The following IL1RAPL2 variants were observed in gnomAD, a reference collection of about 807,000 sequenced individuals.
The protein encoded by IL1RAPL2 is interleukin 1 receptor accessory protein like 2, also known as X-linked interleukin-1 receptor accessory protein-like 2.
IL1RAPL2 carries 3 observed loss-of-function variants against 44.1 expected under a neutral mutation model. The ratio of observed to expected loss-of-function variants is 0.07; its 90% CI spans 0.03 to 0.18. IL1RAPL2 has a LOEUF of 0.18. IL1RAPL2 is among the 10% of genes least tolerant of loss of function. IL1RAPL2 has a pLI of 1.00. For missense variants in IL1RAPL2, 391 were observed against 496.4 expected, an observed-to-expected ratio of 0.79 and a Z score of 2.02; for synonymous variants, 181 against 178.8, an observed-to-expected ratio of 1.01 and a Z score of -0.10.
chrX:105,708,483 G>C (rs973378645), intron 6 of IL1RAPL2, among the ~76,000 whole-genome samples: 1 of 111,556 alleles, frequency 9.0e-6, no homozygotes, highest in African/African-American at 3.3e-5. Context: ...TAACTAGCAA[G>C]TCATTCCTAG....
chrX:105,010,828 A>C (rs978801539), intron 2 of IL1RAPL2, among the ~76,000 whole-genome samples: 4 of 111,400 alleles, frequency 3.6e-5, no homozygotes, highest in African/African-American at 1.3e-4. Flanking sequence ...CCCAGCTTCA[A>C]AGCAATTTCT....
intron 6 of IL1RAPL2, among the ~76,000 whole-genome samples, chrX:105,588,272 T>C (rs1477610262): frequency 9.0e-6 from 1 of 111,617 alleles, no homozygotes; most frequent in Admixed American, 9.5e-5. Context: ...AAGATCACCG[T>C]GTATTATTCC....
chrX:105,047,268 T>G (rs757082656), intron 2 of IL1RAPL2, among the ~76,000 whole-genome samples: 1 of 111,781 alleles, frequency 8.9e-6, no homozygotes, highest in South Asian at 3.7e-4. Context: ...GCATCACAGC[T>G]TTAGCAACTC....
chrX:105,566,925 A>T (rs1056451992), intron 6 of IL1RAPL2, among the ~76,000 whole-genome samples: 1 of 110,565 alleles, frequency 9.0e-6, no homozygotes, highest in Non-Finnish European at 1.9e-5. Flanking sequence ...CTGTTCTGCA[A>T]ATGTCCTTTT....
intron 2 of IL1RAPL2, among the ~76,000 whole-genome samples, chrX:105,085,970 C>A (rs1246693268): frequency 9.0e-6 from 1 of 111,613 alleles, no homozygotes; most frequent in Non-Finnish European, 1.9e-5. Context: ...TCCTGGTCAT[C>A]TTTACATTAA....
At position 105,148,883 on chromosome X, in the gene IL1RAPL2, T is replaced by C. The variant is rs1449833856; in HGVS notation, c.83-46592T>C. On this transcript the variant is annotated intron_variant, in intron 2 of 10. Coordinates refer to ENST00000372582, the MANE Select transcript of IL1RAPL2 (RefSeq NM_017416.2). Reference sequence around the variant, plus strand: ...AGAATCTTGTTCATCCTGTCTACCATTTGAAGACACAGCAAGAATGTGCCA... The same window carrying C: ...AGAATCTTGTTCATCCTGTCTACCACTTGAAGACACAGCAAGAATGTGCCA... Among the ~76,000 whole-genome samples the C allele has an allele frequency of 3.6e-5, 4 of 111,684 alleles. No homozygotes were observed. The East Asian group carries it at 1.1e-3, about 31-fold the overall frequency.
At chrX:105,409,867 G>T (rs1341527101) in intron 5 of IL1RAPL2, among the ~76,000 whole-genome samples, 1 of 30,903 alleles carries the variant, frequency 3.2e-5, no homozygotes, top group Non-Finnish European at 1.2e-4. Flanking sequence ...CAGACAGACA[G>T]ATAGATAGAG....
intron 6 of IL1RAPL2, among the ~76,000 whole-genome samples, chrX:105,495,620 G>A (rs1263033034): frequency 1.8e-5 from 2 of 111,522 alleles, no homozygotes; most frequent in African/African-American, 6.5e-5. Context: ...TACATTTGTT[G>A]TCAAGTTGTT....
intron 2 of IL1RAPL2, among the ~76,000 whole-genome samples, chrX:104,723,478 T>A (rs1931726652): frequency 9.1e-6 from 1 of 110,238 alleles, no homozygotes; most frequent in Non-Finnish European, 1.9e-5. Context: ...ACAGTCAGAC[T>A]GTGTAAATTA....
At chrX:105,538,159 C>T (rs1448748875) in intron 6 of IL1RAPL2, among the ~76,000 whole-genome samples, 1 of 107,245 alleles carries the variant, frequency 9.3e-6, no homozygotes, top group Admixed American at 1.0e-4. Context: ...GCCTCAGTCT[C>T]CCGAGTAGCT....
chrX:105,542,625 ATT>A (rs1418403089), intron 6 of IL1RAPL2, among the ~76,000 whole-genome samples: 28 of 105,971 alleles, frequency 2.6e-4, no homozygotes, highest in African/African-American at 9.0e-4. Flanking sequence ...AACATTTCCT[ATT>A]TGTCATTTAA....
chrX:105,633,376 A>C (rs1382076843), intron 6 of IL1RAPL2, among the ~76,000 whole-genome samples: 1 of 111,864 alleles, frequency 8.9e-6, no homozygotes. Context: ...ATAAACCCAA[A>C]GTGATAAAAT....
intron 5 of IL1RAPL2, among the ~76,000 whole-genome samples, chrX:105,353,169 A>T (rs1602372132): frequency 8.9e-6 from 1 of 111,761 alleles, no homozygotes; most frequent in Non-Finnish European, 1.9e-5. Context: ...GTTTTCAAGC[A>T]CCATTTATTA....
intron 2 of IL1RAPL2, among the ~76,000 whole-genome samples, chrX:105,114,197 C>T (rs1263280159): frequency 8.9e-6 from 1 of 111,755 alleles, no homozygotes; most frequent in Non-Finnish European, 1.9e-5. Context: ...GTTCCCTAAG[C>T]TCTTCCGCCA....
intron 6 of IL1RAPL2, among the ~76,000 whole-genome samples, chrX:105,576,806 A>G (rs2037053489): frequency 9.0e-6 from 1 of 111,507 alleles, no homozygotes; most frequent in Admixed American, 9.6e-5. Context: ...AAATTCATTT[A>G]TTCATCAAAA....
At chrX:105,048,837 C>A (rs1213470140) in intron 2 of IL1RAPL2, among the ~76,000 whole-genome samples, 7 of 112,066 alleles carry the variant, frequency 6.2e-5, no homozygotes, top group Non-Finnish European at 3.8e-5. Flanking sequence ...CCCTCAGTTG[C>A]ACTAACCCCA....
intron 2 of IL1RAPL2, among the ~76,000 whole-genome samples, chrX:104,772,200 T>C (rs1932650992): frequency 8.9e-6 from 1 of 112,276 alleles, no homozygotes; most frequent in African/African-American, 3.2e-5. Context: ...GGAGGCATTA[T>C]GAGCCAGATT....
chrX:104,892,864 A>T (rs906946731), intron 2 of IL1RAPL2, among the ~76,000 whole-genome samples: 10 of 111,295 alleles, frequency 9.0e-5, no homozygotes, highest in African/African-American at 3.3e-4. Flanking sequence ...TTGCTTCTCT[A>T]GTTCTCTTAA....
At chrX:105,458,719 G>T (rs1304430796) in intron 5 of IL1RAPL2, among the ~76,000 whole-genome samples, 1 of 111,635 alleles carries the variant, frequency 9.0e-6, no homozygotes. Context: ...GTCACCCGAG[G>T]CATCTGTGAA....
Sources: gnomAD v4.1 joint callset for allele counts (sites outside exome capture counted in the v4.1 genomes callset) on GRCh38, gnomAD v4.1.1 for gene constraint, MANE v1.5 for transcripts, NCBI Gene and HGNC (gene_info 2026-07-23, HGNC 2026-07-21) for gene names.